The following MDC1 variants were observed in gnomAD, a reference collection of about 807,000 sequenced individuals.
MDC1 encodes the protein mediator of DNA damage checkpoint protein 1.
A neutral mutation model predicts 142.5 loss-of-function variants in MDC1; 81 were observed. The observed-to-expected ratio is 0.57, with a 90% CI of 0.47 to 0.68. The LOEUF is 0.68. Ranked by LOEUF, MDC1 falls within the 30% of genes least tolerant of loss-of-function variation. MDC1 has a pLI of 0.00. For missense variants in MDC1, 2,119 were observed against 2,547.9 expected, an observed-to-expected ratio of 0.83 and a Z score of 3.62; for synonymous variants, 797 against 968.4, an observed-to-expected ratio of 0.82 and a Z score of 3.29.
rs775142700 is a variant in MDC1, at chr6:30,712,716, T to C, written c.1226A>G (p.Glu409Gly). 1.5e-5 allele frequency: 25 copies of C among 1,613,102 alleles called. No individual in the cohort carries two copies. The highest frequency in any genetic ancestry group is 3.3e-5 in the Admixed American group (2 of 60,018). The change falls in exon 5 of 15, where the codon GAA (glutamate) becomes GGA (glycine). Residue 409 changes from glutamate (E) to glycine (G), a missense_variant. Coordinates refer to ENST00000376406, the MANE Select transcript of MDC1 (RefSeq NM_014641.3). The surrounding 1 kb of genome is among the most constrained non-coding windows in gnomAD (Gnocchi z 4.7). ...TGCCAAAGTCAGCGCTGCTGAGACT[T>C]CTTCCTCGTCATCTGTATCGCTGTT... ...VINSDTDDEE[E>G]VSAALTLAHL... is the part of the protein sequence containing the mutation.
intron 2 of MDC1, 108 bp from the exon 3 acceptor site, chr6:30,714,291 TAG>T: frequency 8.3e-7 from 1 of 1,208,032 alleles, no homozygotes; most frequent in South Asian, 1.6e-5. Context: ...CCATATGCAT[TAG>T]AAAAATAAAA....
In MDC1 at chr6:30,700,046, A is replaced by G; in HGVS notation, c.*419T>C. ...CCCAAAGTAAGAATCTCAGTAAGAA[A>G]AAAATAGAGATGGTTTCCAAATAGG... On this transcript the variant is annotated 3_prime_UTR_variant, in exon 15 of 15. Coordinates refer to ENST00000376406, the MANE Select transcript of MDC1 (RefSeq NM_014641.3). The G allele has an allele frequency of 4.3e-6, 1 of 232,856 alleles. No individual in the cohort carries two copies. The highest frequency in any genetic ancestry group is 2.2e-5 in the African/African-American group (1 of 45,364). 14.4% of individuals were successfully genotyped at this position (232,856 alleles called of 1,614,324 possible).
At chr6:30,711,543 A>G in intron 6 of MDC1, 39 bp from the exon 7 acceptor site, 2 of 1,601,130 alleles carry the variant, frequency 1.2e-6, no homozygotes, top group Non-Finnish European at 1.7e-6. Context: ...TCTCCTCCAT[A>G]CTACTGTAGG....
rs780083555 is a variant in MDC1, at chr6:30,708,278, A to G, written c.2301T>C (p.Pro767=). The G allele has an allele frequency of 6.2e-7, 1 of 1,612,980 alleles. No individual in the cohort carries two copies. Among genetic ancestry groups the G allele is most frequent in the South Asian group, 1.1e-5 (1 of 91,086 alleles). The change falls in exon 8 of 15, where the codon CCT becomes CCC. Residue 767 remains proline (P), a synonymous_variant. Coordinates refer to ENST00000376406, the MANE Select transcript of MDC1 (RefSeq NM_014641.3). ...CATAGGCCTCAAGGTGCGTGTCAAA[A>G]GGCTGGGTCTCAGAGTCCTCAGACT... ...LRESEDSETQ[P]FDTHLEAYGP...
chr6:30,705,932 T>C lies in MDC1; in HGVS notation c.3251A>G (p.Asp1084Gly). The C allele has an allele frequency of 6.2e-7, 1 of 1,613,946 alleles. No homozygotes were observed. The highest frequency in any genetic ancestry group is 8.5e-7 in the Non-Finnish European group (1 of 1,179,918). ...IKPTVRKTRQ[D>G]GSQEAPEAPL... ...AGCCTCTGGAGCTTCCTGACTCCCA[T>C]CTTGCCTGGTCTTACGAACGGTTGG... The change falls in exon 10 of 15, where the codon GAT becomes GGT. Residue 1084 changes from aspartate (D) to glycine (G), a missense_variant. Physicochemically the swap from Asp to Gly is moderately conservative, Grantham distance 94. Transcript: ENST00000376406.
intron 7 of MDC1, 45 bp from the exon 8 acceptor site, chr6:30,708,402 A>G (rs1774275497): frequency 6.6e-7 from 1 of 1,514,492 alleles, no homozygotes; most frequent in Non-Finnish European, 9.0e-7. Context: ...AGGGAGAGAA[A>G]AGAGGGAGAG....
rs758783364 is a variant in MDC1 at position 30,704,126 on chromosome 6, G to T, written c.5057C>A (p.Ser1686Tyr). The T allele has an allele frequency of 6.2e-7, 1 of 1,614,052 alleles. No individual in the cohort carries two copies. ...AACCGGCATAGCTCTTACTGTGGAA[G>T]ACCTCAGTGTTTTGCTCTGACCACC... ...AQGGQSKTLR[S>Y]STVRAMPVPT... The change falls in exon 10 of 15, where the codon TCT (serine) becomes TAT (tyrosine). Residue 1686 changes from serine (S) to tyrosine (Y), a missense_variant. Ser to Tyr is a moderately radical substitution (Grantham distance 144, BLOSUM62 -2). Coordinates refer to ENST00000376406, the MANE Select transcript of MDC1 (RefSeq NM_014641.3).
Position 30,700,634 on chromosome 6 carries a change from T to G in MDC1, c.6103-2A>C. 1 of 1,612,746 alleles carries G rather than the reference T, an allele frequency of 6.2e-7. No individual in the cohort carries two copies. Among genetic ancestry groups the G allele is most frequent in the Non-Finnish European group, 8.5e-7 (1 of 1,179,804 alleles). ...GCATGTGATCACAACTCTCTGAGGC[T>G]GGGGAAGACAGAGCAAAGGCAAAAT... On this transcript the variant is annotated splice_acceptor_variant, in intron 14 of 14. Transcript: ENST00000376406. LOFTEE classifies it high-confidence loss of function.
rs769809562 is a variant in MDC1 at position 30,708,178 on chromosome 6, C to T, written c.2401G>A (p.Gly801Arg). Residue 801 changes from glycine to arginine, a missense_variant, in exon 8 of 15, where the codon GGG becomes AGG. By Grantham distance (125) the Gly-to-Arg change is moderately radical. Coordinates refer to ENST00000376406, the MANE Select transcript of MDC1 (RefSeq NM_014641.3). ...GTCTGCCTCCCTCTGCCTTGAATCCCCATTGGCTCTGTGTGAACTGGGCTC... is the reference window on the plus strand; with the variant it reads ...GTCTGCCTCCCTCTGCCTTGAATCCTCATTGGCTCTGTGTGAACTGGGCTC... ...PESPVHTEPM[G>R]IQGRGRQTVD... The T allele has an allele frequency of 6.2e-7, 1 of 1,613,148 alleles. No individual in the cohort carries two copies. Among genetic ancestry groups the T allele is most frequent in the South Asian group, 1.1e-5 (1 of 91,088 alleles).
At position 30,705,390 on chromosome 6, in the gene MDC1, T is replaced by G; in HGVS notation, c.3793A>C (p.Thr1265Pro). The change falls in exon 10 of 15, where the codon ACA becomes CCA. Residue 1265 changes from threonine (T) to proline (P), a missense_variant. Thr to Pro is a conservative substitution (Grantham distance 38). Coordinates refer to ENST00000376406, the MANE Select transcript of MDC1 (RefSeq NM_014641.3). ...TTTCTTCCCCTAGTAGCCTGATATG[T>G]GGGCTCAGAAGTGACAGGCTGGTCT... ...STDQPVTSEP[T>P]YQATRGRKNR... 6.3e-7 allele frequency: 1 copy of G among 1,599,318 alleles called. No homozygotes were observed. Among genetic ancestry groups the G allele is most frequent in the South Asian group, 1.1e-5 (1 of 89,614 alleles).
In MDC1 at chr6:30,714,753, T is replaced by G. The variant is rs145308211; in HGVS notation, c.136+287A>C. Among the ~76,000 whole-genome samples, 681 of 152,236 alleles carry G rather than the reference T, an allele frequency of 4.5e-3. 9 individuals carry two copies. Among genetic ancestry groups the G allele is most frequent in the African/African-American group, 0.015 (628 of 41,532 alleles). On this transcript the variant is annotated intron_variant, in intron 2 of 14. Transcript: ENST00000376406. ...CTGGTCTCTAACTCCTAGTCTCAAG[T>G]GATCCTTCTGCCTTGGCCTCTCAAA...
chr6:30,708,375 A>AAG lies in MDC1; in HGVS notation c.2222-20_2222-19dup, dbSNP rs756419051. ...TAGGGTACCTGGAAGGGGAGGAAGGAAGAGAGAGAGAGGGAGAGGGAGAGA... is the reference window on the plus strand; with the variant it reads ...TAGGGTACCTGGAAGGGGAGGAAGGAAGAGAGAGAGAGAGGGAGAGGGAGAGA... On this transcript the variant is annotated intron_variant, in intron 7 of 14. Coordinates refer to ENST00000376406, the MANE Select transcript of MDC1 (RefSeq NM_014641.3). 4 of 1,593,152 alleles carry AAG rather than the reference A, an allele frequency of 2.5e-6. No homozygotes were observed. The highest frequency in any genetic ancestry group is 1.3e-5 in the African/African-American group (1 of 74,502).
Position 30,716,057 on chromosome 6 carries a change from C to T in MDC1, c.-3-879G>A, listed in dbSNP as rs1775610631. 6.6e-6 allele frequency among the ~76,000 whole-genome samples: 1 copy of T among 152,144 alleles called. No homozygotes were observed. Among genetic ancestry groups the T allele is most frequent in the African/African-American group, 2.4e-5 (1 of 41,420 alleles). On this transcript the variant is annotated intron_variant, in intron 1 of 14. Transcript: ENST00000376406. This position sits in a 1 kb window ranked among gnomAD's most constrained non-coding sequence, Gnocchi z 4.4. ...TTCACATCTTGTAACGCCTACCCCT[C>T]GCCCGCAAAAGCCTATGGTTCAGCC...
At chr6:30,702,220 GC>G (rs1372673180) in intron 14 of MDC1, among the ~76,000 whole-genome samples, 7 of 124,704 alleles carry the variant, frequency 5.6e-5, no homozygotes, top group African/African-American at 2.3e-4. Flanking sequence ...CCGAGATTGT[GC>G]CACTGCACTC....
Position 30,713,865 on chromosome 6 carries a change from C to G in MDC1, c.455G>C (p.Arg152Thr). ...RGPLTVEETP[R>T]VQGETQPQRL... ...CTGGGGTTGAGTTTCTCCCTGTACT[C>G]TGGGTGTCTCTTCTACTGTCAGAGG... Residue 152 changes from arginine to threonine, a missense_variant, in exon 3 of 15, where the codon AGA (arginine) becomes ACA (threonine). Physicochemically the swap from Arg to Thr is moderately conservative, Grantham distance 71. Transcript: ENST00000376406. The surrounding 1 kb of genome is among the most constrained non-coding windows in gnomAD (Gnocchi z 4.9). 1 of 1,614,154 alleles carries G rather than the reference C, an allele frequency of 6.2e-7. No individual in the cohort carries two copies.
Position 30,715,932 on chromosome 6 carries a change from C to T in MDC1, c.-3-754G>A, listed in dbSNP as rs1437390543. Among the ~76,000 whole-genome samples, 2 of 152,144 alleles carry T rather than the reference C, an allele frequency of 1.3e-5. No homozygotes were observed. On this transcript the variant is annotated intron_variant, in intron 1 of 14. Transcript: ENST00000376406. This position sits in a 1 kb window ranked among gnomAD's most constrained non-coding sequence, Gnocchi z 4.1. ...TAAGCATATATAAGGTTAAGACTTG[C>T]CCCAAATCACTCAGATGTCTCTCCT... is the stretch of plus-strand genomic sequence containing the variant.
rs1250965785 is a variant in MDC1 at position 30,711,982 on chromosome 6, T to C, written c.1960A>G (p.Thr654Ala). The change falls in exon 5 of 15, where the codon ACT (threonine) becomes GCT (alanine). Residue 654 changes from threonine to alanine, a missense_variant. Coordinates refer to ENST00000376406, the MANE Select transcript of MDC1 (RefSeq NM_014641.3). The part of the protein sequence containing the change: ...NLTDLVVDTD[T>A]LGESTQPQRE... ...TGTGGCTGGGTGGATTCCCCTAGAG[T>C]GTCTGTGTCCACCACCAGATCTGTG... The C allele has an allele frequency of 1.3e-6, 2 of 1,593,964 alleles. No individual in the cohort carries two copies. Among genetic ancestry groups the C allele is most frequent in the African/African-American group, 2.7e-5 (2 of 74,166 alleles).
Position 30,715,258 on chromosome 6 carries a change from G to A in MDC1, c.-3-80C>T. On this transcript the variant is annotated intron_variant, in intron 1 of 14. Coordinates refer to ENST00000376406, the MANE Select transcript of MDC1 (RefSeq NM_014641.3). The surrounding 1 kb of genome is among the most constrained non-coding windows in gnomAD (Gnocchi z 4.1). Reference sequence around the variant, plus strand: ...TCAGAGTTATCAGACTGAAAACTAGGGGGTAAACTGGATCATTATGAACGT... The same window carrying A: ...TCAGAGTTATCAGACTGAAAACTAGAGGGTAAACTGGATCATTATGAACGT... 1 of 1,460,356 alleles carries A rather than the reference G, an allele frequency of 6.8e-7. No individual in the cohort carries two copies. The highest frequency in any genetic ancestry group is 9.6e-7 in the Non-Finnish European group (1 of 1,044,224). 90.5% of individuals were successfully genotyped at this position (1,460,356 alleles called of 1,614,324 possible).
intron 13 of MDC1, 44 bp downstream of exon 13, chr6:30,702,708 A>G: frequency 1.2e-6 from 2 of 1,612,684 alleles, no homozygotes; most frequent in Non-Finnish European, 1.7e-6. Context: ...ATTGGGAAGC[A>G]CTGGAGGGAG....
Sources: allele counts gnomAD v4.1 joint callset (sites outside exome capture counted in the v4.1 genomes callset), GRCh38; gene constraint gnomAD v4.1.1; non-coding constraint Gnocchi (gnomAD v3.1); transcripts MANE v1.5; gene names NCBI Gene and HGNC (gene_info 2026-07-23, HGNC 2026-07-21).